Variants in SPTBN5 observed in about 807,000 individuals in gnomAD.
The protein encoded by SPTBN5 is spectrin beta, non-erythrocytic 5.
In SPTBN5, 513 loss-of-function variants were observed where a neutral mutation model predicts 477.6. That is an observed-to-expected ratio of 1.07 (90% CI 1.00 to 1.16). The LOEUF is 1.16. Ranked by LOEUF, SPTBN5 falls within the 50% of genes most tolerant of loss-of-function variation. SPTBN5 has a pLI of 0.00. For missense variants in SPTBN5, 5,062 were observed against 4,731.8 expected (o/e 1.07, Z -2.05); for synonymous variants, 2,169 against 2,011.7 (o/e 1.08, Z -2.09).
intron 2 of SPTBN5, 63 bp downstream of exon 2, chr15:41,893,219 C>G: frequency 1.2e-6 from 2 of 1,606,138 alleles, no homozygotes; most frequent in Non-Finnish European, 1.7e-6. Flanking sequence ...ACCCCGGAGG[C>G]CCACTGGCCA....
chr15:41,884,886 C>T (rs188072633), intron 7 of SPTBN5, among the ~76,000 whole-genome samples: 5 of 152,308 alleles, frequency 3.3e-5, no homozygotes, highest in African/African-American at 4.8e-5. Context: ...CCGTTTCCTC[C>T]GCCTAGAATA....
At chr15:41,887,837 A>G (rs2140968506) in intron 5 of SPTBN5, 91 bp downstream of exon 5, 1 of 1,312,634 alleles carries the variant, frequency 7.6e-7, no homozygotes, top group East Asian at 2.5e-5. Flanking sequence ...CTTCAAGCCT[A>G]GGGATGTGGG....
At position 41,875,060 on chromosome 15, in the gene SPTBN5, G is replaced by A. The variant is rs1239245641; in HGVS notation, c.4288-4C>T. On this transcript the variant is annotated splice_polypyrimidine_tract_variant and splice_region_variant and intron_variant, in intron 22 of 67. Transcript: ENST00000320955. ...GCTCCAGCTGCTCCTTTGCATCCTG[G>A]GAGGGACGCATGGAGCTGCATTAGG... is the stretch of plus-strand genomic sequence containing the variant. The A allele has an allele frequency of 2.5e-6, 4 of 1,607,686 alleles. No individual in the cohort carries two copies. The East Asian group carries it at 9.0e-5, about 36-fold the overall frequency.
At chr15:41,849,228 T>G (rs567789572) in intron 67 of SPTBN5, among the ~76,000 whole-genome samples, 2 of 151,844 alleles carry the variant, frequency 1.3e-5, no homozygotes, top group African/African-American at 4.8e-5. Flanking sequence ...GAGATGTGGG[T>G]GAGGGGGGTT....
chr15:41,856,823 G>C, intron 52 of SPTBN5, 30 bp downstream of exon 52: 1 of 1,526,888 alleles, frequency 6.5e-7, no homozygotes, highest in Non-Finnish European at 8.8e-7. Context: ...GCTCATGTGC[G>C]AGGCCAGCCC....
intron 39 of SPTBN5, 39 bp downstream of exon 39, chr15:41,865,769 G>A: frequency 1.3e-6 from 2 of 1,515,392 alleles, no homozygotes; most frequent in Non-Finnish European, 1.8e-6. Context: ...TTTCAGTGCG[G>A]GATGCATGGC....
intron 44 of SPTBN5, 68 bp downstream of exon 44, chr15:41,862,062 A>G: frequency 6.6e-7 from 1 of 1,511,360 alleles, no homozygotes; most frequent in Non-Finnish European, 8.9e-7. Context: ...GAGCAAGGAG[A>G]TGAGAGGAAG....
At chr15:41,853,822 C>T (rs772757378) in intron 57 of SPTBN5, 35 bp from the exon 58 acceptor site, 11 of 1,516,132 alleles carry the variant, frequency 7.3e-6, no homozygotes, top group Middle Eastern at 1.7e-4. Flanking sequence ...CCTCAGTCCC[C>T]CCACTGAGCC....
chr15:41,882,480 G>T lies in SPTBN5; in HGVS notation c.2047-11C>A, dbSNP rs1178284179. ...CTCAGCTTCCAGGGCCTAGCGGGGG[G>T]CAGAGCAGGGGGCTCAGTGAAGGCA... On this transcript the variant is annotated splice_polypyrimidine_tract_variant and intron_variant, in intron 10 of 67. Coordinates refer to ENST00000320955, the MANE Select transcript of SPTBN5 (RefSeq NM_016642.4). 1 of 1,557,620 alleles carries T rather than the reference G, an allele frequency of 6.4e-7. No individual in the cohort carries two copies. The highest frequency in any genetic ancestry group is 8.6e-7 in the Non-Finnish European group (1 of 1,156,780).
chr15:41,866,960 TG>T lies in SPTBN5; in HGVS notation c.6478del (p.Gln2160ArgfsTer13). 6.4e-7 allele frequency: 1 copy of T among 1,574,118 alleles called. No homozygotes were observed. The highest frequency in any genetic ancestry group is 8.6e-7 in the Non-Finnish European group (1 of 1,160,368). On this transcript the variant is annotated frameshift_variant and splice_region_variant, in exon 36 of 68. Coordinates refer to ENST00000320955, the MANE Select transcript of SPTBN5 (RefSeq NM_016642.4). LOFTEE classifies it high-confidence loss of function. ...LMASFTQAATQAEDWIQAWAQ... is the reference protein window; with the variant it reads ...LMASFTQAATXAEDWIQAWAQ... Reference sequence around the variant, plus strand: ...CCTGGGCTGGGGGTGCCCTCTGACCTGGGTTGCGGCCTGGGTGAAGCTGGCC... The same window carrying T: ...CCTGGGCTGGGGGTGCCCTCTGACCTGGTTGCGGCCTGGGTGAAGCTGGCC...
intron 7 of SPTBN5, 41 bp downstream of exon 7, chr15:41,885,694 C>A: frequency 6.5e-7 from 1 of 1,528,618 alleles, no homozygotes; most frequent in Non-Finnish European, 8.8e-7. Context: ...GGTAGGACAG[C>A]CTCAGCCAGC....
intron 6 of SPTBN5, 79 bp downstream of exon 6, chr15:41,887,134 A>G (rs573210668): frequency 7.6e-7 from 1 of 1,317,002 alleles, no homozygotes; most frequent in African/African-American, 1.5e-5. Flanking sequence ...CACAGCTAGT[A>G]CGTGGCAGGG....
chr15:41,871,960 C>A, intron 27 of SPTBN5, 43 bp from the exon 28 acceptor site: 1 of 1,486,258 alleles, frequency 6.7e-7, no homozygotes, highest in Non-Finnish European at 9.0e-7. Flanking sequence ...AGTTGCCCAC[C>A]CCCCTGGGGG....
chr15:41,866,886 G>A, intron 36 of SPTBN5, 73 bp downstream of exon 36: 1 of 1,467,238 alleles, frequency 6.8e-7, no homozygotes, highest in Non-Finnish European at 9.1e-7. Flanking sequence ...TCACAGTGTT[G>A]CGGTGTGAAG....
Position 41,853,499 on chromosome 15 carries a change from G to A in SPTBN5, c.9981-52C>T, listed in dbSNP as rs1019304848. 3.9e-6 allele frequency: 6 copies of A among 1,539,638 alleles called. No homozygotes were observed. The African/African-American group carries it at 5.4e-5, about 14-fold the overall frequency. ...TCAGGGCTGGCTGGGGAGCAGGGGA[G>A]GGAGGGTCCAGCTCCCCCAAGAGCC... On this transcript the variant is annotated intron_variant, in intron 58 of 67. Transcript: ENST00000320955.
At chr15:41,872,620 T>C (rs1262203417) in intron 26 of SPTBN5, among the ~76,000 whole-genome samples, 161 bp from the exon 27 acceptor site, 1 of 152,216 alleles carries the variant, frequency 6.6e-6, no homozygotes. Context: ...AGCATCCATC[T>C]ACCCATTACT....
At chr15:41,866,927 T>C (rs1280328032) in intron 36 of SPTBN5, 32 bp downstream of exon 36, 1 of 1,539,130 alleles carries the variant, frequency 6.5e-7, no homozygotes, top group Non-Finnish European at 8.8e-7. Context: ...GTGGTTCCAG[T>C]GGAAGGCCCT....
intron 59 of SPTBN5, 34 bp from the exon 60 acceptor site, chr15:41,853,034 G>A (rs1218390532): frequency 6.8e-7 from 1 of 1,480,798 alleles, no homozygotes; most frequent in Non-Finnish European, 9.0e-7. Context: ...GTGACAGCTT[G>A]GGTAGGGCTC....
Position 41,854,151 on chromosome 15 carries a change from G to A in SPTBN5, c.9673C>T (p.Gln3225Ter). The change falls in exon 57 of 68, where the codon CAG becomes TAG. Residue 3225 changes from glutamine to a stop codon, truncating the protein, a stop_gained. Transcript: ENST00000320955. LOFTEE classifies it high-confidence loss of function. ...HSFQQAAAEL[Q>*]GRMQEKTALM... ...GCCGTCTTCTCCTGCATCCTTCCCT[G>A]GAGCTCAGCTGCTGCCTGCTGAAAG... 1 of 1,597,094 alleles carries A rather than the reference G, an allele frequency of 6.3e-7. No individual in the cohort carries two copies. The highest frequency in any genetic ancestry group is 8.5e-7 in the Non-Finnish European group (1 of 1,172,282).
Sources: gnomAD v4.1 joint callset for allele counts (sites outside exome capture counted in the v4.1 genomes callset) on GRCh38, gnomAD v4.1.1 for gene constraint, MANE v1.5 for transcripts, NCBI Gene and HGNC (gene_info 2026-07-23, HGNC 2026-07-21) for gene names.